MBOAT1: variants seen among roughly 807,000 people sequenced by gnomAD.
MBOAT1 encodes membrane bound glycerophospholipid O-acyltransferase 1, also known as membrane-bound glycerophospholipid O-acyltransferase 1.
A neutral mutation model predicts 64.4 loss-of-function variants in MBOAT1; 67 were observed. That is an observed-to-expected ratio of 1.04 (90% CI 0.85 to 1.27). The LOEUF (loss-of-function observed/expected upper bound fraction) is 1.27, where lower values mean the gene tolerates loss of function less well. Ranked by LOEUF, MBOAT1 falls within the 50% of genes most tolerant of loss-of-function variation. The pLI is 0.00. For synonymous variants in MBOAT1, 229 were observed against 218.9 expected (o/e 1.05, Z -0.41); for missense variants, 563 against 604.6 (o/e 0.93, Z 0.72).
At chr6:20,192,315 A>G (rs1367570403) in intron 1 of MBOAT1, among the ~76,000 whole-genome samples, 1 of 152,096 alleles carries the variant, frequency 6.6e-6, no homozygotes, top group Non-Finnish European at 1.5e-5. Flanking sequence ...TTCTGCCCTA[A>G]AGTAACTGAA....
At chr6:20,106,661 A>G (rs1581391919) in intron 12 of MBOAT1, among the ~76,000 whole-genome samples, 1 of 152,246 alleles carries the variant, frequency 6.6e-6, no homozygotes, top group East Asian at 1.9e-4. Flanking sequence ...TGACCTCATA[A>G]TCCACTTGCC....
intron 1 of MBOAT1, among the ~76,000 whole-genome samples, chr6:20,163,316 A>G (rs906290358): frequency 3.9e-5 from 6 of 152,204 alleles, no homozygotes; most frequent in Admixed American, 3.9e-4. Context: ...GAAAGAAAAC[A>G]TTCCCATTAA....
rs771181798 is a variant in MBOAT1, at chr6:20,124,489, C to T, written c.826G>A (p.Ala276Thr). 4 of 1,614,054 alleles carry T rather than the reference C, an allele frequency of 2.5e-6. No individual in the cohort carries two copies. The highest frequency in any genetic ancestry group is 2.5e-6 in the Non-Finnish European group (3 of 1,180,040). ...CLVDDWFVHK[A>T]SFPARLCYLY... ...TAGCAGAGTCGAGCCGGAAAGCTTGCTTTATGGACAAACCAGTCATCCACA... is the reference window on the plus strand; with the variant it reads ...TAGCAGAGTCGAGCCGGAAAGCTTGTTTTATGGACAAACCAGTCATCCACA... The change falls in exon 8 of 13, where the codon GCA (alanine) becomes ACA (threonine). Residue 276 changes from alanine to threonine, a missense_variant. Transcript: ENST00000324607.
At chr6:20,115,566 A>G (rs952992969) in intron 9 of MBOAT1, among the ~76,000 whole-genome samples, 7 of 152,002 alleles carry the variant, frequency 4.6e-5, no homozygotes, top group African/African-American at 1.4e-4. Context: ...CGAAGTCTCA[A>G]TTTTTTTTCA....
chr6:20,131,175 C>A lies in MBOAT1; in HGVS notation c.444G>T (p.Lys148Asn), dbSNP rs1368563841. Reference sequence around the variant, plus strand: ...GAACCTGGAATGCCAAGGTTGTGATCTTCTGAGTGACAATCATCAGAGGCC... The same window carrying A: ...GAACCTGGAATGCCAAGGTTGTGATATTCTGAGTGACAATCATCAGAGGCC... ...FSGPLMIVTQ[K>N]ITTLAFQVHD... The change falls in exon 5 of 13, where the codon AAG becomes AAT. Residue 148 changes from lysine to asparagine, a missense_variant. By Grantham distance (94) the Lys-to-Asn change is moderately conservative. Coordinates refer to ENST00000324607, the MANE Select transcript of MBOAT1 (RefSeq NM_001080480.3). 2 of 1,613,990 alleles carry A rather than the reference C, an allele frequency of 1.2e-6. No individual in the cohort carries two copies. The highest frequency in any genetic ancestry group is 3.3e-5 in the Admixed American group (2 of 60,026).
intron 8 of MBOAT1, among the ~76,000 whole-genome samples, chr6:20,122,417 C>A (rs1760519945): frequency 6.6e-6 from 1 of 152,170 alleles, no homozygotes; most frequent in Non-Finnish European, 1.5e-5. Context: ...TGCTCCCAAC[C>A]ATGCAACAAT....
chr6:20,151,898 C>T (rs1182940495), intron 2 of MBOAT1, among the ~76,000 whole-genome samples: 1 of 152,174 alleles, frequency 6.6e-6, no homozygotes, highest in Non-Finnish European at 1.5e-5. Flanking sequence ...GACTTATACC[C>T]ACGTCTCTAG....
chr6:20,193,725 G>A (rs1021460598), intron 1 of MBOAT1, among the ~76,000 whole-genome samples: 1 of 150,156 alleles, frequency 6.7e-6, no homozygotes, highest in Admixed American at 6.7e-5. Flanking sequence ...TCCTCCCTCA[G>A]CCTCCCAAGT....
At chr6:20,205,715 C>T (rs1282845368) in intron 1 of MBOAT1, among the ~76,000 whole-genome samples, 1 of 152,104 alleles carries the variant, frequency 6.6e-6, no homozygotes, top group African/African-American at 2.4e-5. Flanking sequence ...CCATCGTACC[C>T]CCAACACATC....
intron 11 of MBOAT1, among the ~76,000 whole-genome samples, chr6:20,110,184 C>T (rs1230682243): frequency 1.1e-4 from 16 of 150,494 alleles, no homozygotes; most frequent in Non-Finnish European, 1.5e-5. Flanking sequence ...GCTGGGATTA[C>T]AGGCGTGAGC....
At chr6:20,114,849 A>G (rs1265768029) in intron 10 of MBOAT1, among the ~76,000 whole-genome samples, 2 of 150,692 alleles carry the variant, frequency 1.3e-5, no homozygotes, top group Non-Finnish European at 2.9e-5. Context: ...GCACCATTGC[A>G]CTCTAATTTG....
At chr6:20,199,157 G>C (rs1763048836) in intron 1 of MBOAT1, among the ~76,000 whole-genome samples, 1 of 152,150 alleles carries the variant, frequency 6.6e-6, no homozygotes, top group African/African-American at 2.4e-5. Flanking sequence ...GGCTGTGCTG[G>C]AGTCTCACAG....
At chr6:20,150,356 C>A (rs1382624913) in intron 3 of MBOAT1, among the ~76,000 whole-genome samples, 2 of 151,988 alleles carry the variant, frequency 1.3e-5, no homozygotes, top group Admixed American at 6.6e-5. Flanking sequence ...CATCCATCAC[C>A]CCCTAGAACT....
At chr6:20,153,297 C>A (rs932503129) in intron 1 of MBOAT1, among the ~76,000 whole-genome samples, 1 of 152,152 alleles carries the variant, frequency 6.6e-6, no homozygotes, top group African/African-American at 2.4e-5. Context: ...TTTTCTCTAA[C>A]CTTTAAGACT....
At chr6:20,190,258 T>C (rs1163791684) in intron 1 of MBOAT1, among the ~76,000 whole-genome samples, 1 of 152,090 alleles carries the variant, frequency 6.6e-6, no homozygotes, top group African/African-American at 2.4e-5. Context: ...CTCCCAAAGT[T>C]CTGGGATTAC....
chr6:20,211,550 T>C (rs1039488224), intron 1 of MBOAT1, among the ~76,000 whole-genome samples: 1 of 152,128 alleles, frequency 6.6e-6, no homozygotes, highest in African/African-American at 2.4e-5. Flanking sequence ...CCCCCTAACC[T>C]GTCCTACTCA....
At chr6:20,188,853 G>A (rs1762727350) in intron 1 of MBOAT1, among the ~76,000 whole-genome samples, 1 of 152,164 alleles carries the variant, frequency 6.6e-6, no homozygotes, top group African/African-American at 2.4e-5. Flanking sequence ...AGCCCCCTGT[G>A]CAAGTTCCTT....
At chr6:20,171,857 T>G (rs694094) in intron 1 of MBOAT1, among the ~76,000 whole-genome samples, 131,793 of 151,866 alleles carry the variant, frequency 0.87, 57,318 homozygotes, top group Non-Finnish European at 0.88. Flanking sequence ...AACAAAGAAA[T>G]AACTTGTCTC....
intron 4 of MBOAT1, among the ~76,000 whole-genome samples, chr6:20,133,873 G>A (rs1760904606): frequency 6.6e-6 from 1 of 152,098 alleles, no homozygotes; most frequent in Non-Finnish European, 1.5e-5. Flanking sequence ...GAGTGAGCTG[G>A]CCCCATTGCT....
Sources: allele counts gnomAD v4.1 joint callset (sites outside exome capture counted in the v4.1 genomes callset), GRCh38; gene constraint gnomAD v4.1.1; transcripts MANE v1.5; gene names NCBI Gene and HGNC (gene_info 2026-07-23, HGNC 2026-07-21).